The following MVB12B variants were observed in gnomAD, a reference collection of about 807,000 sequenced individuals.
MVB12B encodes the protein multivesicular body subunit 12B.
A neutral mutation model predicts 41.6 loss-of-function variants in MVB12B; 16 were observed. The observed-to-expected ratio is 0.38, with a 90% CI of 0.26 to 0.58. The LOEUF is 0.58. Among genes scored for constraint, MVB12B ranks in the 20% least tolerant of loss-of-function variants. MVB12B has a pLI of 0.62. For missense variants in MVB12B, 274 were observed against 380.2 expected, an observed-to-expected ratio of 0.72 and a Z score of 2.32; for synonymous variants, 133 against 139.7, an observed-to-expected ratio of 0.95 and a Z score of 0.34.
rs116834012 is a variant in MVB12B, at chr9:126,459,898, G to A, written c.758-21471G>A. ...GGGCTCAGTAATGGTTTTCACAGGC[G>A]GGTTTCATGAGTGGAGCCGCTCTTG... On this transcript the variant is annotated intron_variant, in intron 7 of 9. Transcript: ENST00000361171. The surrounding 1 kb of genome is among the most constrained non-coding windows in gnomAD (Gnocchi z 4.3). Among the ~76,000 whole-genome samples the A allele has an allele frequency of 5.0e-3, 767 of 152,310 alleles. 12 individuals are homozygous for A. The highest frequency in any genetic ancestry group is 0.018 in the African/African-American group (738 of 41,560).
At chr9:126,359,098 T>C (rs927265699) in intron 2 of MVB12B, among the ~76,000 whole-genome samples, 8 of 151,932 alleles carry the variant, frequency 5.3e-5, no homozygotes, top group Admixed American at 1.3e-4. Context: ...TCTCACTCTG[T>C]TGCCCAGGCT....
chr9:126,502,672 A>G (rs996397500), intron 9 of MVB12B, among the ~76,000 whole-genome samples: 2 of 152,166 alleles, frequency 1.3e-5, no homozygotes, highest in Non-Finnish European at 2.9e-5. Flanking sequence ...GGCCCCTCCC[A>G]TGACCCTGGG....
intron 6 of MVB12B, among the ~76,000 whole-genome samples, chr9:126,418,725 G>A (rs1024080097): frequency 6.6e-6 from 1 of 152,088 alleles, no homozygotes; most frequent in African/African-American, 2.4e-5. Context: ...TCTGGAGGAG[G>A]TCAGACTCCC....
rs777353280 is a variant in MVB12B at position 126,386,527 on chromosome 9, A to G, written c.313-35A>G. The G allele has an allele frequency of 6.5e-7, 1 of 1,542,396 alleles. No individual in the cohort carries two copies. The highest frequency in any genetic ancestry group is 1.4e-5 in the African/African-American group (1 of 73,696). On this transcript the variant is annotated intron_variant, in intron 3 of 9. Transcript: ENST00000361171. The surrounding 1 kb of genome is among the most constrained non-coding windows in gnomAD (Gnocchi z 4.3). ...GCAAACCCACCACATGCATGTTCAG[A>G]TTAATAGTCTGTATCTCTTTTCTTT...
intron 9 of MVB12B, among the ~76,000 whole-genome samples, chr9:126,496,931 T>A (rs886751761): frequency 3.9e-5 from 6 of 152,102 alleles, no homozygotes; most frequent in African/African-American, 1.2e-4. Context: ...AGAGACAGAC[T>A]CTCAGCGTTG....
chr9:126,506,294 C>T lies in MVB12B; in HGVS notation c.*3031C>T, dbSNP rs1485845101. 3 of 152,638 alleles carry T rather than the reference C, an allele frequency of 2.0e-5. No individual in the cohort carries two copies. The highest frequency in any genetic ancestry group is 2.9e-5 in the Non-Finnish European group (2 of 68,078). 9.5% of individuals were successfully genotyped at this position (152,638 alleles called of 1,614,324 possible). A position where few individuals can be genotyped will look rare whatever the true frequency, so the allele number is the denominator to read the frequency against. On this transcript the variant is annotated 3_prime_UTR_variant, in exon 10 of 10. Coordinates refer to ENST00000361171, the MANE Select transcript of MVB12B (RefSeq NM_033446.3). ...CTAAGCACATTTCTCCTTTCATTCC[C>T]CCTAAAAACAGAGTGACCTGGAAGT...
intron 7 of MVB12B, among the ~76,000 whole-genome samples, chr9:126,441,245 C>T (rs746786540): frequency 1.5e-4 from 23 of 152,174 alleles, no homozygotes; most frequent in South Asian, 1.2e-3. Flanking sequence ...GATTCCTCTG[C>T]GAGGCTTGAA....
At chr9:126,388,249 T>C (rs1329155262) in intron 4 of MVB12B, among the ~76,000 whole-genome samples, 2 of 152,200 alleles carry the variant, frequency 1.3e-5, no homozygotes, top group African/African-American at 4.8e-5. Flanking sequence ...TCTATGTAGA[T>C]TTGCCTATTC....
Position 126,459,730 on chromosome 9 carries a change from C to G in MVB12B, c.758-21639C>G, listed in dbSNP as rs537697923. On this transcript the variant is annotated intron_variant, in intron 7 of 9. Transcript: ENST00000361171. The surrounding 1 kb of genome is among the most constrained non-coding windows in gnomAD (Gnocchi z 4.3). The stretch of plus-strand genomic sequence containing the variant: ...AGCTTGGAGTGCGCAGTTGTTACAG[C>G]GCTCACAGGGGCCGCGCTCACCTGC... Among the ~76,000 whole-genome samples the G allele has an allele frequency of 3.3e-5, 5 of 152,096 alleles. No individual in the cohort carries two copies. Among genetic ancestry groups the G allele is most frequent in the Non-Finnish European group, 7.4e-5 (5 of 68,014 alleles).
chr9:126,331,265 C>A (rs770215126), intron 1 of MVB12B, among the ~76,000 whole-genome samples: 9 of 152,264 alleles, frequency 5.9e-5, no homozygotes, highest in Admixed American at 1.3e-4. Flanking sequence ...CACATGCTTG[C>A]GAACAGTTAT....
At chr9:126,349,584 T>A (rs1388094669) in intron 2 of MVB12B, among the ~76,000 whole-genome samples, 1 of 152,236 alleles carries the variant, frequency 6.6e-6, no homozygotes, top group Non-Finnish European at 1.5e-5. Flanking sequence ...GAATCTTATA[T>A]AAACGGAATT....
chr9:126,439,726 A>G (rs1209955403), intron 7 of MVB12B, among the ~76,000 whole-genome samples: 2 of 152,228 alleles, frequency 1.3e-5, no homozygotes, highest in African/African-American at 4.8e-5. Context: ...AATTATATGA[A>G]AAAGAGAATG....
intron 4 of MVB12B, among the ~76,000 whole-genome samples, chr9:126,387,198 C>T (rs777173138): frequency 6.6e-6 from 1 of 152,144 alleles, no homozygotes; most frequent in Non-Finnish European, 1.5e-5. Context: ...GAATCGGCAG[C>T]GTCTTCAGGG....
intron 7 of MVB12B, chr9:126,427,115 G>C (rs954669550): frequency 2.6e-5 from 4 of 151,844 alleles, no homozygotes; most frequent in African/African-American, 4.8e-5. Flanking sequence ...ACCACCTTGC[G>C]GGGGGGAGGA....
At chr9:126,336,754 G>GCACGCA (rs1554766433) in intron 1 of MVB12B, among the ~76,000 whole-genome samples, 88 of 150,402 alleles carry the variant, frequency 5.9e-4, no homozygotes, top group Middle Eastern at 6.9e-3. Flanking sequence ...GTGTGTGCAC[G>GCACGCA]CACACACACA....
Position 126,456,132 on chromosome 9 carries a change from C to T in MVB12B, c.758-25237C>T, listed in dbSNP as rs183501075. Among the ~76,000 whole-genome samples the T allele has an allele frequency of 1.6e-3, 240 of 152,192 alleles. 1 individual carries two copies. The highest frequency in any genetic ancestry group is 5.4e-3 in the African/African-American group (225 of 41,516). On this transcript the variant is annotated intron_variant, in intron 7 of 9. Coordinates refer to ENST00000361171, the MANE Select transcript of MVB12B (RefSeq NM_033446.3). ...TCTCAAACTCCTGACCTTAGGTGAT[C>T]CGCCCACCTTGGCCTTCCAAAGTGC...
chr9:126,488,113 G>A (rs1353839380), intron 9 of MVB12B, among the ~76,000 whole-genome samples: 2 of 152,130 alleles, frequency 1.3e-5, no homozygotes, highest in East Asian at 3.9e-4. Flanking sequence ...CGTGGGAGTT[G>A]GGGGCTCAGG....
At chr9:126,422,052 C>T in intron 7 of MVB12B, 104 bp downstream of exon 7, 1 of 823,794 alleles carries the variant, frequency 1.2e-6, no homozygotes, top group Non-Finnish European at 2.0e-6. Flanking sequence ...TGCCTTACCT[C>T]TCTTTTCTTC....
intron 7 of MVB12B, among the ~76,000 whole-genome samples, chr9:126,458,512 A>G (rs1833030348): frequency 6.6e-6 from 1 of 151,910 alleles, no homozygotes; most frequent in Admixed American, 6.6e-5. Flanking sequence ...GCTCTTTTGG[A>G]TTCACGTGAT....
Sources: gnomAD v4.1 joint callset for allele counts (sites outside exome capture counted in the v4.1 genomes callset) on GRCh38, gnomAD v4.1.1 for gene constraint, Gnocchi (gnomAD v3.1) non-coding constraint, MANE v1.5 for transcripts, NCBI Gene and HGNC (gene_info 2026-07-23, HGNC 2026-07-21) for gene names.